PCDH7: variants seen among roughly 807,000 people sequenced by gnomAD.
PCDH7 encodes protocadherin 7.
PCDH7 carries 17 observed loss-of-function variants against 58.9 expected under a neutral mutation model. The ratio of observed to expected loss-of-function variants is 0.29; its 90% CI spans 0.20 to 0.43. The LOEUF (loss-of-function observed/expected upper bound fraction) is 0.43, where lower values mean the gene tolerates loss of function less well. Among genes scored for constraint, PCDH7 ranks in the 20% least tolerant of loss-of-function variants. PCDH7 has a pLI of 1.00. For missense variants in PCDH7, 1,274 were observed against 1,441.0 expected (o/e 0.88, Z 1.88); for synonymous variants, 664 against 616.4 (o/e 1.08, Z -1.14).
intron 3 of PCDH7, among the ~76,000 whole-genome samples, chr4:31,032,699 G>T (rs190371260): frequency 1.6e-5 from 2 of 127,398 alleles, no homozygotes; most frequent in Non-Finnish European, 3.4e-5. Flanking sequence ...AGGGAGGGAG[G>T]GAGGGAGAGA....
chr4:30,895,506 C>T (rs544519493), intron 1 of PCDH7, among the ~76,000 whole-genome samples: 1 of 152,174 alleles, frequency 6.6e-6, no homozygotes, highest in East Asian at 1.9e-4. Context: ...CACCATTGCC[C>T]CTACCTGCAC....
intron 3 of PCDH7, among the ~76,000 whole-genome samples, chr4:31,032,684 GA>G (rs1755053152): frequency 7.8e-6 from 1 of 128,606 alleles, no homozygotes; most frequent in Non-Finnish European, 1.6e-5. Flanking sequence ...GGGAGGGAGG[GA>G]GGGAGGGAGG....
chr4:30,945,537 T>G (rs1414644506), intron 2 of PCDH7, among the ~76,000 whole-genome samples: 1 of 152,152 alleles, frequency 6.6e-6, no homozygotes, highest in Admixed American at 6.5e-5. Flanking sequence ...AACTCATTTA[T>G]AATTCTTACT....
chr4:30,953,460 A>G (rs1747558443), intron 3 of PCDH7, among the ~76,000 whole-genome samples: 1 of 151,996 alleles, frequency 6.6e-6, no homozygotes, highest in African/African-American at 2.4e-5. Context: ...TCATTTGGTG[A>G]AAAATGGTCT....
chr4:30,777,403 T>C lies in PCDH7; in HGVS notation c.70+52807T>C, dbSNP rs150888335. On this transcript the variant is annotated intron_variant, in intron 1 of 3. Coordinates refer to the PCDH7 transcript ENST00000509759. ...TTTCAGGAATCCTGTAATACATACA[T>C]TATGCTTCTTTCAAGGTAGTAGTAA... Among the ~76,000 whole-genome samples, 256 of 152,308 alleles carry C rather than the reference T, an allele frequency of 1.7e-3. 4 individuals carry two copies. The East Asian group carries it at 0.045, about 27-fold the overall frequency.
At chr4:31,119,416 A>C (rs897398743) in intron 3 of PCDH7, among the ~76,000 whole-genome samples, 2 of 152,138 alleles carry the variant, frequency 1.3e-5, no homozygotes, top group African/African-American at 4.8e-5. Flanking sequence ...TAAAGTTTTT[A>C]CCAACTGCAA....
At chr4:31,091,997 G>A (rs1713316071) in intron 3 of PCDH7, among the ~76,000 whole-genome samples, 1 of 151,940 alleles carries the variant, frequency 6.6e-6, no homozygotes, top group South Asian at 2.1e-4. Context: ...GTAATTTCTT[G>A]TCTGATGGAG....
intron 3 of PCDH7, among the ~76,000 whole-genome samples, chr4:31,039,017 C>A (rs1210860526): frequency 1.3e-5 from 2 of 152,100 alleles, no homozygotes; most frequent in African/African-American, 2.4e-5. Flanking sequence ...TAATATAACA[C>A]CTCCCCATAA....
chr4:30,948,289 CAAA>C (rs751763592), intron 2 of PCDH7, among the ~76,000 whole-genome samples: 2 of 113,506 alleles, frequency 1.8e-5, no homozygotes. Context: ...AACTCATATG[CAAA>C]AAAAAAAAAA....
chr4:30,997,905 G>A (rs1311165460), intron 3 of PCDH7, among the ~76,000 whole-genome samples: 1 of 152,058 alleles, frequency 6.6e-6, no homozygotes, highest in East Asian at 1.9e-4. Flanking sequence ...GATTTTGTGT[G>A]TGTGTTTGTG....
At chr4:30,737,301 TTCTC>T (rs1475063824), downstream of PCDH7, among the ~76,000 whole-genome samples, 7 of 152,314 alleles carry the variant, frequency 4.6e-5, no homozygotes, top group South Asian at 2.1e-4. Flanking sequence ...ATCTATGAAT[TTCTC>T]TAACCTCTTT....
intron 3 of PCDH7, among the ~76,000 whole-genome samples, chr4:31,003,427 G>T (rs1028208987): frequency 3.3e-5 from 5 of 150,618 alleles, no homozygotes; most frequent in African/African-American, 1.2e-4. Flanking sequence ...ACTCCTTCTA[G>T]TCCTCGTTTT....
At chr4:31,094,442 T>C (rs1378049425) in intron 3 of PCDH7, among the ~76,000 whole-genome samples, 1 of 152,144 alleles carries the variant, frequency 6.6e-6, no homozygotes, top group Non-Finnish European at 1.5e-5. Context: ...GGACAAAGCA[T>C]ATCTTAAAGA....
chr4:30,991,842 C>T (rs1366173072), intron 3 of PCDH7, among the ~76,000 whole-genome samples: 1 of 151,952 alleles, frequency 6.6e-6, no homozygotes, highest in Non-Finnish European at 1.5e-5. Context: ...AGATATAAGA[C>T]AGTATTTACA....
chr4:30,945,357 A>G (rs545641138), intron 2 of PCDH7, among the ~76,000 whole-genome samples: 55 of 152,164 alleles, frequency 3.6e-4, no homozygotes, highest in African/African-American at 1.3e-3. Flanking sequence ...TCATTGTATA[A>G]TTGCTTATTA....
chr4:31,040,559 G>T (rs920481807), intron 3 of PCDH7, among the ~76,000 whole-genome samples: 4 of 151,976 alleles, frequency 2.6e-5, no homozygotes, highest in African/African-American at 9.7e-5. Context: ...ATTTCATTTC[G>T]GTATATAGGG....
intron 2 of PCDH7, among the ~76,000 whole-genome samples, chr4:30,937,512 T>C (rs1745504417): frequency 6.6e-6 from 1 of 152,122 alleles, no homozygotes; most frequent in Non-Finnish European, 1.5e-5. Context: ...TGATCTAAAT[T>C]ATTGAACTTG....
At chr4:30,990,432 C>A (rs1751371641) in intron 3 of PCDH7, among the ~76,000 whole-genome samples, 1 of 152,008 alleles carries the variant, frequency 6.6e-6, no homozygotes, top group Non-Finnish European at 1.5e-5. Flanking sequence ...TGCATTAATA[C>A]CTGTAAATTC....
intron 1 of PCDH7, among the ~76,000 whole-genome samples, chr4:30,869,616 TC>T (rs1156959807): frequency 6.6e-6 from 1 of 152,304 alleles, no homozygotes; most frequent in East Asian, 1.9e-4. Flanking sequence ...CATGAACCCA[TC>T]CTTTTTTATG....
Sources: gnomAD v4.1 joint callset for allele counts (sites outside exome capture counted in the v4.1 genomes callset) on GRCh38, gnomAD v4.1.1 for gene constraint, MANE v1.5 for transcripts, NCBI Gene and HGNC (gene_info 2026-07-23, HGNC 2026-07-21) for gene names.